Variants in ZNF609 observed in about 807,000 individuals in gnomAD.
ZNF609 encodes zinc finger protein 609.
ZNF609 carries 11 observed loss-of-function variants against 109.5 expected under a neutral mutation model. The observed-to-expected ratio is 0.10, with a 90% CI of 0.06 to 0.17. The LOEUF is 0.17. ZNF609 is among the 10% of genes least tolerant of loss of function. The pLI is 1.00. For missense variants in ZNF609, 1,559 were observed against 1,772.4 expected (o/e 0.88, Z 2.16); for synonymous variants, 646 against 662.0 (o/e 0.98, Z 0.37).
chr15:64,527,677 C>T (rs1292783742), intron 2 of ZNF609, among the ~76,000 whole-genome samples: 1 of 152,150 alleles, frequency 6.6e-6, no homozygotes, highest in African/African-American at 2.4e-5. Context: ...TTCCTTTCTC[C>T]AGTACTTTCT....
chr15:64,597,142 C>G (rs1200107656), intron 2 of ZNF609, among the ~76,000 whole-genome samples: 2 of 152,058 alleles, frequency 1.3e-5, no homozygotes, highest in Admixed American at 1.3e-4. Flanking sequence ...CAAGGGCCAC[C>G]AGAAACCTCT....
intron 1 of ZNF609, among the ~76,000 whole-genome samples, chr15:64,469,169 A>G (rs1223068093): frequency 6.6e-6 from 1 of 151,758 alleles, no homozygotes; most frequent in East Asian, 1.9e-4. Flanking sequence ...AGGCTGAGGC[A>G]GGAGAATCGC....
At chr15:64,496,069 T>G (rs1893478479) in intron 1 of ZNF609, among the ~76,000 whole-genome samples, 1 of 152,206 alleles carries the variant, frequency 6.6e-6, no homozygotes, top group Non-Finnish European at 1.5e-5. Flanking sequence ...TCCTCCTGCC[T>G]CTGCCTCCCA....
rs552520012 is a variant in ZNF609 at position 64,598,415 on chromosome 15, CTCTA to C, written c.748-24408_748-24405del. Among the ~76,000 whole-genome samples, 17 of 152,256 alleles carry C rather than the reference CTCTA, an allele frequency of 1.1e-4. No individual in the cohort carries two copies. In the South Asian group the frequency reaches 3.5e-3, roughly 32 times the overall value. ...ACAGGCATGAGACACCACATCCAGC[CTCTA>C]TCTGCTGATCTACGCATTTTATGAG... On this transcript the variant is annotated intron_variant, in intron 2 of 9. Coordinates refer to ENST00000326648, the MANE Select transcript of ZNF609 (RefSeq NM_015042.2).
rs2083213953 is a variant in ZNF609, at chr15:64,682,187, AC to A, written c.*504del. 6.6e-6 allele frequency: 1 copy of A among 152,446 alleles called. No individual in the cohort carries two copies. 9.4% of individuals were successfully genotyped at this position (152,446 alleles called of 1,614,324 possible). A position where few individuals can be genotyped will look rare whatever the true frequency, so the allele number is the denominator to read the frequency against. On this transcript the variant is annotated 3_prime_UTR_variant, in exon 10 of 10. Coordinates refer to ENST00000326648, the MANE Select transcript of ZNF609 (RefSeq NM_015042.2). ...ATTCTGCATCTCCCTAGTGCTTTGC[AC>A]CCTGGGAATTGGCAGCATGTGGAGG...
intron 2 of ZNF609, among the ~76,000 whole-genome samples, chr15:64,554,612 A>C (rs1170006410): frequency 6.6e-6 from 1 of 151,934 alleles, no homozygotes; most frequent in Non-Finnish European, 1.5e-5. Flanking sequence ...GAACCATGAT[A>C]GTGCCACTGC....
chr15:64,491,422 T>C (rs1423121186), intron 1 of ZNF609, among the ~76,000 whole-genome samples: 1 of 152,238 alleles, frequency 6.6e-6, no homozygotes, highest in Non-Finnish European at 1.5e-5. Context: ...CCCATTAGTT[T>C]ATTGACAGTT....
At chr15:64,656,031 C>G (rs1490656948) in intron 3 of ZNF609, among the ~76,000 whole-genome samples, 2 of 152,046 alleles carry the variant, frequency 1.3e-5, no homozygotes, top group African/African-American at 2.4e-5. Context: ...AATTAAGCAA[C>G]TCAGCACTCA....
At chr15:64,606,132 G>T (rs1895594659) in intron 2 of ZNF609, among the ~76,000 whole-genome samples, 1 of 150,294 alleles carries the variant, frequency 6.7e-6, no homozygotes, top group African/African-American at 2.4e-5. Context: ...ATTTATTTTG[G>T]GGATAGAGTC....
intron 2 of ZNF609, among the ~76,000 whole-genome samples, chr15:64,555,398 C>T (rs1039256099): frequency 7.9e-5 from 12 of 151,960 alleles, no homozygotes; most frequent in East Asian, 5.8e-4. Flanking sequence ...GGTGCAGTGG[C>T]GCACGCCTGT....
intron 3 of ZNF609, among the ~76,000 whole-genome samples, chr15:64,652,249 C>T (rs1896427872): frequency 6.6e-6 from 1 of 152,144 alleles, no homozygotes; most frequent in African/African-American, 2.4e-5. Flanking sequence ...GTCTCCAACT[C>T]CTGGCCTCAA....
chr15:64,483,019 A>G (rs1297264641), intron 1 of ZNF609, among the ~76,000 whole-genome samples: 2 of 152,210 alleles, frequency 1.3e-5, no homozygotes, highest in African/African-American at 4.8e-5. Context: ...TAGTCTTTTT[A>G]TGTAAAGTAA....
chr15:64,660,761 T>C (rs1896563888), intron 3 of ZNF609, among the ~76,000 whole-genome samples: 1 of 152,172 alleles, frequency 6.6e-6, no homozygotes, highest in Non-Finnish European at 1.5e-5. Context: ...TACTTGCTTT[T>C]TCCGCTGCCT....
chr15:64,621,280 A>G (rs2140971095), intron 2 of ZNF609, among the ~76,000 whole-genome samples: 1 of 152,320 alleles, frequency 6.6e-6, no homozygotes, highest in Admixed American at 6.5e-5. Context: ...TCACTCGAGC[A>G]TAATAGACTT....
chr15:64,609,111 T>C (rs535489786), intron 2 of ZNF609, among the ~76,000 whole-genome samples: 1 of 30,418 alleles, frequency 3.3e-5, no homozygotes, highest in Non-Finnish European at 1.3e-4. Flanking sequence ...TTTCTTTCTT[T>C]CTTTCTTTCT....
chr15:64,559,627 AG>A (rs1351896600), intron 2 of ZNF609, among the ~76,000 whole-genome samples: 1 of 152,210 alleles, frequency 6.6e-6, no homozygotes, highest in Non-Finnish European at 1.5e-5. Context: ...CCAGCAGGAA[AG>A]ATGGGCATAT....
intron 3 of ZNF609, among the ~76,000 whole-genome samples, 176 bp from the exon 4 acceptor site, chr15:64,670,170 A>G (rs1341081724): frequency 6.6e-6 from 1 of 152,224 alleles, no homozygotes; most frequent in African/African-American, 2.4e-5. Flanking sequence ...AAGGGACCTC[A>G]GTAGCATTGT....
chr15:64,544,539 A>G (rs898891350), intron 2 of ZNF609, among the ~76,000 whole-genome samples: 8 of 152,200 alleles, frequency 5.3e-5, no homozygotes, highest in Admixed American at 3.3e-4. Flanking sequence ...CAACCAGACA[A>G]ATGATGTTGA....
chr15:64,552,925 G>A (rs980953503), intron 2 of ZNF609, among the ~76,000 whole-genome samples: 1 of 151,996 alleles, frequency 6.6e-6, no homozygotes, highest in African/African-American at 2.4e-5. Flanking sequence ...TGGGATTACA[G>A]GGCATAAGGC....
Sources: allele counts gnomAD v4.1 joint callset (sites outside exome capture counted in the v4.1 genomes callset), GRCh38; gene constraint gnomAD v4.1.1; transcripts MANE v1.5; gene names NCBI Gene and HGNC (gene_info 2026-07-23, HGNC 2026-07-21).